GRIA3: variants seen among roughly 807,000 people sequenced by gnomAD.
GRIA3 encodes glutamate receptor 3.
A neutral mutation model predicts 63.0 loss-of-function variants in GRIA3; 3 were observed. That is an observed-to-expected ratio of 0.05 (90% confidence interval 0.02 to 0.12). The LOEUF is 0.12. GRIA3 is among the 10% of genes least tolerant of loss of function. The probability of loss-of-function intolerance (pLI) is 1.00; values close to 1 mark genes in which losing one functional copy is unlikely to be tolerated. For synonymous variants in GRIA3, 274 were observed against 257.9 expected (o/e 1.06, Z -0.60); for missense variants, 347 against 700.9 (o/e 0.50, Z 5.70).
chrX:123,423,405 C>T (rs2045573187), intron 11 of GRIA3, among the ~76,000 whole-genome samples: 1 of 111,534 alleles, frequency 9.0e-6, no homozygotes. Flanking sequence ...TTAAGCATAC[C>T]CTTTCCTCTG....
At chrX:123,353,654 C>A (rs1373061918) in intron 4 of GRIA3, among the ~76,000 whole-genome samples, 1 of 111,711 alleles carries the variant, frequency 9.0e-6, no homozygotes, top group Non-Finnish European at 1.9e-5. Context: ...AAAGCTTAAG[C>A]TTAATGGCCC....
rs145744865 is a variant in GRIA3, at chrX:123,209,895, A to C, written c.268+23905A>C. Reference sequence around the variant, plus strand: ...GACAGATTACAGGTTGCCTCTGAACATACTGTTAGATAGCCTTGAAGCCCC... The same window carrying C: ...GACAGATTACAGGTTGCCTCTGAACCTACTGTTAGATAGCCTTGAAGCCCC... On this transcript the variant is annotated intron_variant, in intron 2 of 15. Transcript: ENST00000620443. 6.8e-3 allele frequency among the ~76,000 whole-genome samples: 747 copies of C among 110,283 alleles called. 3 individuals are homozygous for C. Among genetic ancestry groups the C allele is most frequent in the Middle Eastern group, 0.018 (4 of 218 alleles).
chrX:123,266,000 A>G (rs1420215946), intron 3 of GRIA3, among the ~76,000 whole-genome samples: 1 of 112,002 alleles, frequency 8.9e-6, no homozygotes, highest in Non-Finnish European at 1.9e-5. Context: ...TATTCTCAAC[A>G]GTGGCCTCTC....
In GRIA3 at chrX:123,258,635, A is replaced by G. The variant is rs185825670; in HGVS notation, c.508+5093A>G. Among the ~76,000 whole-genome samples, 259 of 111,713 alleles carry G rather than the reference A, an allele frequency of 2.3e-3. 1 individual carries two copies. The highest frequency in any genetic ancestry group is 0.021 in the Admixed American group (218 of 10,580). ...CACCTGACAACTCTCCTTGGCTTCA[A>G]TGGGCACAGCCCACAGAGATGAAAG... On this transcript the variant is annotated intron_variant, in intron 3 of 15. Coordinates refer to ENST00000620443, the MANE Select transcript of GRIA3 (RefSeq NM_007325.5).
At chrX:123,341,339 T>G (rs1300230987) in intron 4 of GRIA3, among the ~76,000 whole-genome samples, 1 of 112,211 alleles carries the variant, frequency 8.9e-6, no homozygotes, top group Non-Finnish European at 1.9e-5. Flanking sequence ...TTTTGTAACT[T>G]ATTTCATTTT....
intron 2 of GRIA3, among the ~76,000 whole-genome samples, chrX:123,228,262 T>C (rs1188753488): frequency 9.0e-6 from 1 of 111,556 alleles, no homozygotes; most frequent in Non-Finnish European, 1.9e-5. Flanking sequence ...CTCCATCAAA[T>C]ATAGTGAGCT....
At chrX:123,284,643 G>C (rs142838494) in intron 3 of GRIA3, among the ~76,000 whole-genome samples, 3,120 of 110,587 alleles carry the variant, frequency 0.028, 56 homozygotes, top group Non-Finnish European at 0.042. Flanking sequence ...CAGAAAAAAA[G>C]GATATCAGAG....
intron 4 of GRIA3, among the ~76,000 whole-genome samples, chrX:123,353,484 C>T (rs2045112195): frequency 8.9e-6 from 1 of 111,827 alleles, no homozygotes; most frequent in African/African-American, 3.3e-5. Flanking sequence ...AAGCACTTAG[C>T]ACCGTGCCTG....
At chrX:123,230,268 A>G (rs1239002755) in intron 2 of GRIA3, among the ~76,000 whole-genome samples, 1 of 112,030 alleles carries the variant, frequency 8.9e-6, no homozygotes, top group Non-Finnish European at 1.9e-5. Flanking sequence ...TCTTCTAAAT[A>G]GTACCCCATG....
chrX:123,440,864 G>A (rs1191625974), intron 12 of GRIA3, among the ~76,000 whole-genome samples: 2 of 112,119 alleles, frequency 1.8e-5, no homozygotes, highest in Non-Finnish European at 3.8e-5. Context: ...ATCTTTGCCT[G>A]TTCCTATGTC....
chrX:123,332,170 G>GT (rs34908704), intron 4 of GRIA3, among the ~76,000 whole-genome samples: 22,801 of 105,945 alleles, frequency 0.22, 1,960 homozygotes, highest in South Asian at 0.3. Flanking sequence ...AACCTCTCTG[G>GT]TTTTTTTTTT....
intron 3 of GRIA3, among the ~76,000 whole-genome samples, chrX:123,312,173 G>C (rs2044797992): frequency 9.0e-6 from 1 of 111,404 alleles, no homozygotes; most frequent in African/African-American, 3.3e-5. Flanking sequence ...TGAGGGATGA[G>C]AGTAAAAACA....
intron 2 of GRIA3, among the ~76,000 whole-genome samples, chrX:123,228,492 G>A (rs951824205): frequency 1.4e-4 from 15 of 110,853 alleles, no homozygotes; most frequent in Admixed American, 9.6e-4. Context: ...TGGTGGTTGC[G>A]AATTTGGTTA....
Position 123,399,410 on chromosome X carries a change from TA to T in GRIA3, c.1080+611del, listed in dbSNP as rs750698466. On this transcript the variant is annotated intron_variant, in intron 7 of 15. Transcript: ENST00000620443. The stretch of plus-strand genomic sequence containing the variant: ...TGCAAAGAAAAAGCCTAAAGAAAAG[TA>T]AAAGGAATCAATGGATAGACAGTCA... Among the ~76,000 whole-genome samples the T allele has an allele frequency of 8.0e-5, 9 of 112,123 alleles. No homozygotes were observed. The East Asian group carries it at 2.5e-3, about 31-fold the overall frequency.
intron 2 of GRIA3, among the ~76,000 whole-genome samples, chrX:123,213,479 T>C (rs956612541): frequency 8.9e-6 from 1 of 112,543 alleles, no homozygotes; most frequent in Non-Finnish European, 1.9e-5. Flanking sequence ...AAGGTCATGC[T>C]ACTAGTGAGG....
At chrX:123,483,661 G>A (rs983955606) in intron 15 of GRIA3, among the ~76,000 whole-genome samples, 2 of 112,476 alleles carry the variant, frequency 1.8e-5, no homozygotes, top group Non-Finnish European at 3.8e-5. Context: ...GGCCGGGCAC[G>A]GTGGCTCACG....
chrX:123,363,902 G>A (rs1204701735), intron 5 of GRIA3, among the ~76,000 whole-genome samples: 1 of 112,110 alleles, frequency 8.9e-6, no homozygotes, highest in Admixed American at 9.4e-5. Flanking sequence ...CAGAGAGTGA[G>A]AAAGCAGAAT....
chrX:123,312,115 C>T (rs370256064), intron 3 of GRIA3, among the ~76,000 whole-genome samples: 1 of 111,993 alleles, frequency 8.9e-6, no homozygotes, highest in East Asian at 2.8e-4. Flanking sequence ...CATTTCTATC[C>T]TTGACCCCGC....
At chrX:123,362,660 G>A (rs1377484614) in intron 5 of GRIA3, among the ~76,000 whole-genome samples, 1 of 109,472 alleles carries the variant, frequency 9.1e-6, no homozygotes, top group Non-Finnish European at 1.9e-5. Context: ...TTAAAAATCC[G>A]TGTCAAATGG....
Sources: gnomAD v4.1 joint callset for allele counts (sites outside exome capture counted in the v4.1 genomes callset) on GRCh38, gnomAD v4.1.1 for gene constraint, MANE v1.5 for transcripts, NCBI Gene and HGNC (gene_info 2026-07-23, HGNC 2026-07-21) for gene names.